Variants in KIAA0825 observed in about 807,000 individuals in gnomAD.
KIAA0825 encodes the protein KIAA0825, also known as uncharacterized protein KIAA0825.
KIAA0825 carries 119 observed loss-of-function variants against 147.6 expected under a neutral mutation model. The observed-to-expected ratio is 0.81, with a 90% CI of 0.69 to 0.94. The LOEUF (loss-of-function observed/expected upper bound fraction) is 0.94. Among genes scored for constraint, KIAA0825 ranks in the 40% least tolerant of loss-of-function variants. The probability of loss-of-function intolerance (pLI) is 0.00; values close to 1 mark genes in which losing one functional copy is unlikely to be tolerated. For synonymous variants in KIAA0825, 470 were observed against 518.1 expected (o/e 0.91, Z 1.26); for missense variants, 1,381 against 1,472.7 (o/e 0.94, Z 1.02).
At chr5:94,192,816 C>T (rs923584721) in intron 20 of KIAA0825, among the ~76,000 whole-genome samples, 2 of 152,130 alleles carry the variant, frequency 1.3e-5, no homozygotes, top group Non-Finnish European at 2.9e-5. Context: ...CTCAAGAAAC[C>T]CCCAGCTCTT....
chr5:94,596,232 T>G (rs150686008), intron 1 of KIAA0825, among the ~76,000 whole-genome samples: 51 of 152,356 alleles, frequency 3.3e-4, no homozygotes, highest in African/African-American at 1.2e-3. Flanking sequence ...CATTTAAGTC[T>G]TTAATCCATT....
chr5:94,180,553 A>T (rs1403652200), intron 20 of KIAA0825, among the ~76,000 whole-genome samples: 1 of 152,134 alleles, frequency 6.6e-6, no homozygotes, highest in African/African-American at 2.4e-5. Flanking sequence ...ATAAGATGTT[A>T]ACATAAGGGG....
At chr5:94,536,548 C>T (rs1009255284) in intron 3 of KIAA0825, among the ~76,000 whole-genome samples, 5 of 152,282 alleles carry the variant, frequency 3.3e-5, no homozygotes, top group Admixed American at 2.6e-4. Context: ...TAGGTGATGA[C>T]TAATCTAGCA....
At chr5:94,595,917 A>T (rs1048025752) in intron 1 of KIAA0825, among the ~76,000 whole-genome samples, 1 of 152,214 alleles carries the variant, frequency 6.6e-6, no homozygotes, top group South Asian at 2.1e-4. Context: ...TCTTTGCTAA[A>T]GTATAACAAG....
chr5:94,570,954 C>A (rs1407341029), intron 2 of KIAA0825, among the ~76,000 whole-genome samples: 1 of 152,170 alleles, frequency 6.6e-6, no homozygotes, highest in African/African-American at 2.4e-5. Flanking sequence ...TTTTATTCAA[C>A]TTCAGTCTAA....
intron 14 of KIAA0825, among the ~76,000 whole-genome samples, chr5:94,437,603 T>TA (rs1165864785): frequency 6.6e-6 from 1 of 152,220 alleles, no homozygotes; most frequent in Non-Finnish European, 1.5e-5. Context: ...TTTTGATAAG[T>TA]AAATGTAGGA....
At chr5:94,563,751 C>G (rs906266586) in intron 2 of KIAA0825, among the ~76,000 whole-genome samples, 2 of 152,158 alleles carry the variant, frequency 1.3e-5, no homozygotes, top group Admixed American at 1.3e-4. Flanking sequence ...ATGGTGCAAT[C>G]TCGGCTCACT....
intron 20 of KIAA0825, among the ~76,000 whole-genome samples, chr5:94,265,211 T>C (rs1047054889): frequency 6.6e-6 from 1 of 152,198 alleles, no homozygotes; most frequent in Non-Finnish European, 1.5e-5. Flanking sequence ...TACTATGTCA[T>C]AACGTTTTGC....
chr5:94,227,039 ATTACTGGG>A (rs1774236770), intron 20 of KIAA0825, among the ~76,000 whole-genome samples: 1 of 151,808 alleles, frequency 6.6e-6, no homozygotes, highest in South Asian at 2.1e-4. Context: ...CAGCCATCCC[ATTACTGGG>A]TATATACCCA....
intron 15 of KIAA0825, among the ~76,000 whole-genome samples, chr5:94,406,133 G>T (rs1752033093): frequency 6.6e-6 from 1 of 151,980 alleles, no homozygotes; most frequent in Admixed American, 6.6e-5. Context: ...CACCTTGTTG[G>T]CAAGGATGGT....
intron 14 of KIAA0825, among the ~76,000 whole-genome samples, chr5:94,432,544 T>C (rs901941664): frequency 4.0e-5 from 6 of 151,656 alleles, no homozygotes; most frequent in African/African-American, 1.5e-4. Context: ...TTGGATAGGA[T>C]CCCATATGGT....
At chr5:94,618,142 G>A (rs1791082930) in intron 1 of KIAA0825, 1 of 152,302 alleles carries the variant, frequency 6.6e-6, no homozygotes, top group Non-Finnish European at 1.5e-5. Flanking sequence ...ACAGTACTCA[G>A]GAATCAAGAG....
chr5:94,280,363 A>G (rs1263272674), intron 20 of KIAA0825, among the ~76,000 whole-genome samples: 1 of 152,034 alleles, frequency 6.6e-6, no homozygotes, highest in Non-Finnish European at 1.5e-5. Context: ...TCGGTTAGCC[A>G]TGAGGGATCC....
chr5:94,189,746 G>C lies in KIAA0825; in HGVS notation c.3711-35622C>G, dbSNP rs574510362. On this transcript the variant is annotated intron_variant, in intron 20 of 20. Coordinates refer to ENST00000682413, the MANE Select transcript of KIAA0825 (RefSeq NM_001145678.3). ...AAATTCATCCTCCCTTTTCAAAATT[G>C]TTTGGTCATTCTGAATCCTTTACTT... 3.9e-5 allele frequency among the ~76,000 whole-genome samples: 6 copies of C among 152,162 alleles called. No individual in the cohort carries two copies. The South Asian group carries it at 1.2e-3, about 32-fold the overall frequency.
At chr5:94,544,217 G>A (rs1773898037) in intron 2 of KIAA0825, among the ~76,000 whole-genome samples, 1 of 152,198 alleles carries the variant, frequency 6.6e-6, no homozygotes, top group Non-Finnish European at 1.5e-5. Context: ...AGGCCCAGAA[G>A]TAACCTAGAA....
At chr5:94,439,272 G>T (rs1053769094) in intron 14 of KIAA0825, among the ~76,000 whole-genome samples, 2 of 152,156 alleles carry the variant, frequency 1.3e-5, no homozygotes, top group Non-Finnish European at 2.9e-5. Context: ...AGTTAATCAG[G>T]CTTCGCTTGT....
intron 4 of KIAA0825, 40 bp from the exon 5 acceptor site, chr5:94,520,957 T>C (rs1359819147): frequency 3.5e-6 from 5 of 1,410,242 alleles, no homozygotes; most frequent in Non-Finnish European, 4.8e-6. Flanking sequence ...TTAAGTGCAA[T>C]AGAAAAAATG....
chr5:94,406,735 A>C (rs997713870), intron 15 of KIAA0825, among the ~76,000 whole-genome samples: 4 of 152,308 alleles, frequency 2.6e-5, no homozygotes, highest in Non-Finnish European at 2.9e-5. Context: ...CCCAGCTCCC[A>C]TTCCTCAGCA....
chr5:94,573,348 G>A (rs1780346775), intron 2 of KIAA0825, among the ~76,000 whole-genome samples: 1 of 143,372 alleles, frequency 7.0e-6, no homozygotes, highest in African/African-American at 2.6e-5. Flanking sequence ...TCGGCTCACT[G>A]CAACCTTCAC....
Sources: gnomAD v4.1 joint callset for allele counts (sites outside exome capture counted in the v4.1 genomes callset) on GRCh38, gnomAD v4.1.1 for gene constraint, MANE v1.5 for transcripts, NCBI Gene and HGNC (gene_info 2026-07-23, HGNC 2026-07-21) for gene names.